The following PCF11 variants were observed in gnomAD, a reference collection of about 807,000 sequenced individuals.
PCF11 encodes the protein PCF11 cleavage and polyadenylation factor subunit, also known as pre-mRNA cleavage complex 2 protein Pcf11.
Under a neutral mutation model 166.1 loss-of-function variants are expected in PCF11, and 19 were observed. That is an observed-to-expected ratio of 0.11 (90% confidence interval 0.08 to 0.17). PCF11 has a LOEUF of 0.17. Ranked by LOEUF, PCF11 falls within the 10% of genes least tolerant of loss-of-function variation. The pLI, the probability that PCF11 is intolerant of heterozygous loss-of-function variation, is 1.00. For synonymous variants in PCF11, 663 were observed against 644.1 expected, an observed-to-expected ratio of 1.03 and a Z score of -0.44; for missense variants, 1,565 against 1,855.5, an observed-to-expected ratio of 0.84 and a Z score of 2.88.
In PCF11 at chr11:83,181,205, G is replaced by A; in HGVS notation, c.4167+14G>A. 1 of 1,483,356 alleles carries A rather than the reference G, an allele frequency of 6.7e-7. No homozygotes were observed. The highest frequency in any genetic ancestry group is 9.3e-7 in the Non-Finnish European group (1 of 1,077,454). 91.9% of individuals were successfully genotyped at this position (1,483,356 alleles called of 1,614,324 possible). A position where few individuals can be genotyped will look rare whatever the true frequency, so the allele number is the denominator to read the frequency against. On this transcript the variant is annotated intron_variant, in intron 12 of 15. Coordinates refer to ENST00000298281, the Ensembl canonical transcript of PCF11. ...TACAGTTTAACAGTAAGTAACCCATGTGCCTCCATAGTATCTTTTAGGCTT... is the reference window on the plus strand; with the variant it reads ...TACAGTTTAACAGTAAGTAACCCATATGCCTCCATAGTATCTTTTAGGCTT...
chr11:83,163,045 ACAGGCGTGAGCCACCGTGCCT>A (rs1463723376), intron 2 of PCF11, among the ~76,000 whole-genome samples: 1 of 152,230 alleles, frequency 6.6e-6, no homozygotes, highest in Non-Finnish European at 1.5e-5. Context: ...TGTTGGAATT[ACAGGCGTGAGCCACCGTGCCT>A]GGCAATGGCA....
intron 2 of PCF11, among the ~76,000 whole-genome samples, chr11:83,162,825 A>G (rs542869155): frequency 6.6e-6 from 1 of 152,260 alleles, no homozygotes; most frequent in African/African-American, 2.4e-5. Flanking sequence ...CCCAAGCTGG[A>G]GTGCAATGGC....
chr11:83,178,623 C>A (rs1196440617), intron 11 of PCF11, among the ~76,000 whole-genome samples: 1 of 151,776 alleles, frequency 6.6e-6, no homozygotes, highest in Non-Finnish European at 1.5e-5. Context: ...ACCATCCTGG[C>A]TAACATGGTG....
chr11:83,169,734 T>G (rs747149595), exon 8 of PCF11: 2 of 1,613,836 alleles, frequency 1.2e-6, no homozygotes, highest in Non-Finnish European at 1.7e-6. Context: ...ATCAGACTGG[T>G]CCATATAATG....
chr11:83,166,631 C>T (rs776339201), exon 5 of PCF11: 2 of 1,612,716 alleles, frequency 1.2e-6, no homozygotes, highest in Non-Finnish European at 1.7e-6. Flanking sequence ...CAAAGTCAGG[C>T]ACTGAACCAA....
At chr11:83,171,479 T>C (rs1045320635) in intron 8 of PCF11, among the ~76,000 whole-genome samples, 3 of 152,242 alleles carry the variant, frequency 2.0e-5, no homozygotes, top group Non-Finnish European at 4.4e-5. Context: ...AAGTGACTTG[T>C]GTAAAGTAAC....
rs191345035 is a variant in PCF11, at chr11:83,172,889, A to T, written c.3757+975A>T. Among the ~76,000 whole-genome samples the T allele has an allele frequency of 9.2e-5, 14 of 152,358 alleles. No homozygotes were observed. The East Asian group carries it at 2.5e-3, about 27-fold the overall frequency. ...TTCCAAAACTTCTGAAGTAATTAGG[A>T]AATCCTAGCCAAGCTCTTTTTTATA... On this transcript the variant is annotated intron_variant, in intron 9 of 15. Transcript: ENST00000298281.
At chr11:83,184,615 A>T (rs17144746) in intron 15 of PCF11, 64 bp from the exon 16 acceptor site, 5 of 1,112,070 alleles carry the variant, frequency 4.5e-6, no homozygotes, top group African/African-American at 1.6e-5. Flanking sequence ...TTACAAGACT[A>T]AATGTTATTT....
At chr11:83,158,185 AAG>A (rs1484357004) in intron 1 of PCF11, 3 of 152,524 alleles carry the variant, frequency 2.0e-5, no homozygotes, top group African/African-American at 7.3e-5. Context: ...TGCGAAAGGG[AAG>A]AGAGGAGAAT....
Position 83,170,002 on chromosome 11 carries a change from CTG to C in PCF11, c.3660+9_3660+10del. ...TATTCAGGCATCTCAACAGGTAAGT[CTG>C]TTATTCTAAAATTGCGTTGTATGCA... On this transcript the variant is annotated splice_region_variant and intron_variant, in intron 8 of 15. Transcript: ENST00000298281. 1 of 1,559,494 alleles carries C rather than the reference CTG, an allele frequency of 6.4e-7. No individual in the cohort carries two copies.
intron 7 of PCF11, 147 bp from the exon 8 acceptor site, chr11:83,168,281 G>C: frequency 1.4e-6 from 1 of 720,872 alleles, no homozygotes; most frequent in Non-Finnish European, 2.2e-6. Context: ...GACTCTAGAG[G>C]GCATCCTCTT....
chr11:83,170,101 A>T, intron 8 of PCF11, 106 bp downstream of exon 8: 1 of 961,048 alleles, frequency 1.0e-6, no homozygotes, highest in Non-Finnish European at 1.5e-6. Context: ...ATTGGAAAGA[A>T]GTTTTTAATG....
At chr11:83,157,689 G>C in intron 1 of PCF11, 58 bp downstream of exon 1, 1 of 1,483,194 alleles carries the variant, frequency 6.7e-7, no homozygotes, top group Non-Finnish European at 9.4e-7. Flanking sequence ...TTTAGTGTCA[G>C]CCTCATCCCA....
exon 12 of PCF11, chr11:83,181,181 A>G: frequency 6.3e-7 from 1 of 1,592,264 alleles, no homozygotes; most frequent in East Asian, 2.2e-5. Context: ...CGTTGGTACT[A>G]CAGTTTAACA....
intron 2 of PCF11, among the ~76,000 whole-genome samples, chr11:83,163,010 A>T (rs1860314931): frequency 6.6e-6 from 1 of 152,162 alleles, no homozygotes; most frequent in African/African-American, 2.4e-5. Flanking sequence ...CCCTCAGGTG[A>T]TCCACCTGCC....
chr11:83,173,371 C>T (rs1860755184), intron 9 of PCF11, among the ~76,000 whole-genome samples: 1 of 152,018 alleles, frequency 6.6e-6, no homozygotes, highest in Non-Finnish European at 1.5e-5. Context: ...AGGAGAATCG[C>T]TTGAACCCAG....
At chr11:83,162,165 G>A (rs867536478) in intron 2 of PCF11, among the ~76,000 whole-genome samples, 1 of 152,166 alleles carries the variant, frequency 6.6e-6, no homozygotes, top group African/African-American at 2.4e-5. Flanking sequence ...GTAATTCTCT[G>A]CCTGTCAGGC....
exon 8 of PCF11, chr11:83,169,626 A>C (rs748711410): frequency 6.2e-7 from 1 of 1,614,024 alleles, no homozygotes; most frequent in South Asian, 1.1e-5. Context: ...TTGATGGTCC[A>C]CAACATCAGC....
exon 5 of PCF11, chr11:83,166,502 A>C (rs1260508008): frequency 6.2e-7 from 1 of 1,613,838 alleles, no homozygotes; most frequent in East Asian, 2.2e-5. Context: ...AAGAGTTTAC[A>C]CCACCTTCTA....
Sources: gnomAD v4.1 joint callset for allele counts (sites outside exome capture counted in the v4.1 genomes callset) on GRCh38, gnomAD v4.1.1 for gene constraint, MANE v1.5 for transcripts, NCBI Gene and HGNC (gene_info 2026-07-23, HGNC 2026-07-21) for gene names.